TOM1L2: variants seen among roughly 807,000 people sequenced by gnomAD.
TOM1L2 encodes TOM1-like protein 2.
Under a neutral mutation model 67.9 loss-of-function variants are expected in TOM1L2, and 31 were observed. The observed-to-expected ratio is 0.46, with a 90% CI of 0.34 to 0.62. The LOEUF (loss-of-function observed/expected upper bound fraction) is 0.62, where lower values mean the gene tolerates loss of function less well. TOM1L2 is among the 20% of genes least tolerant of loss of function. The probability of loss-of-function intolerance (pLI) is 0.01; values close to 1 mark genes in which losing one functional copy is unlikely to be tolerated. For synonymous variants in TOM1L2, 256 were observed against 254.0 expected (o/e 1.01, Z -0.07); for missense variants, 606 against 663.5 (o/e 0.91, Z 0.95).
chr17:17,924,192 A>G (rs773465702), intron 1 of TOM1L2, among the ~76,000 whole-genome samples: 11 of 152,176 alleles, frequency 7.2e-5, no homozygotes, highest in Non-Finnish European at 2.9e-5. Context: ...TTCCATTTAT[A>G]TAAAATGTCC....
chr17:17,882,748 G>A lies in TOM1L2; in HGVS notation c.617C>T (p.Pro206Leu), dbSNP rs139158330. Residue 206 changes from proline to leucine, a missense_variant, in exon 6 of 15, where the codon CCA (proline) becomes CTA (leucine). This residue lies in a region of TOM1L2 where 543 missense variants were observed against 554.0 expected (regional missense o/e 0.98). Coordinates refer to ENST00000379504, the MANE Select transcript of TOM1L2 (RefSeq NM_001082968.2). ...PPAPYSAPQA[P>L]ALSVTGPITA... ...GATGGGGCCAGTCACACTCAGAGCT[G>A]GGGCCTGCGGTGCGGAGTAGGGAGC... The A allele has an allele frequency of 6.2e-7, 1 of 1,614,238 alleles. No homozygotes were observed. Among genetic ancestry groups the A allele is most frequent in the East Asian group, 2.2e-5 (1 of 44,892 alleles).
intron 12 of TOM1L2, among the ~76,000 whole-genome samples, 168 bp downstream of exon 12, chr17:17,861,308 A>G (rs1371363593): frequency 2.6e-5 from 4 of 152,200 alleles, no homozygotes; most frequent in East Asian, 3.9e-4. Context: ...TGAAGACTCA[A>G]TGAGGCACTA....
At chr17:17,891,842 A>T (rs988525996) in intron 4 of TOM1L2, among the ~76,000 whole-genome samples, 6 of 151,398 alleles carry the variant, frequency 4.0e-5, no homozygotes, top group Admixed American at 2.0e-4. Context: ...AGAGAGACAG[A>T]AGGATATTGG....
At chr17:17,896,767 C>A (rs919324023) in intron 3 of TOM1L2, among the ~76,000 whole-genome samples, 12 of 152,304 alleles carry the variant, frequency 7.9e-5, no homozygotes, top group African/African-American at 2.9e-4. Flanking sequence ...AATGAAGACA[C>A]AAGCAGAGAG....
chr17:17,956,015 A>G (rs937085802), intron 1 of TOM1L2, among the ~76,000 whole-genome samples: 2 of 152,190 alleles, frequency 1.3e-5, no homozygotes, highest in Non-Finnish European at 2.9e-5. Flanking sequence ...AGACCTTTGC[A>G]GCCAGTGTTA....
Position 17,847,797 on chromosome 17 carries a change from C to G in TOM1L2, c.1376-14G>C. 1 of 1,613,806 alleles carries G rather than the reference C, an allele frequency of 6.2e-7. No individual in the cohort carries two copies. The highest frequency in any genetic ancestry group is 8.5e-7 in the Non-Finnish European group (1 of 1,179,904). On this transcript the variant is annotated splice_polypyrimidine_tract_variant and intron_variant, in intron 14 of 14. Transcript: ENST00000379504. ...ATTTATCAAACTCTGCAATACAAAC[C>G]AAGGCAAGGGTCAGGGTTGGTGAGG...
chr17:17,894,975 A>ACATGCATGCATG lies in TOM1L2; in HGVS notation c.217-1177_217-1166dup, dbSNP rs34865538. On this transcript the variant is annotated intron_variant, in intron 3 of 14. Coordinates refer to ENST00000379504, the MANE Select transcript of TOM1L2 (RefSeq NM_001082968.2). ...TACATACATACATACATACATACAT[A>ACATGCATGCATG]CATGCATGCATGCATGCATAAAATA... Among the ~76,000 whole-genome samples, 358 of 147,790 alleles carry ACATGCATGCATG rather than the reference A, an allele frequency of 2.4e-3. 3 individuals are homozygous for ACATGCATGCATG. The highest frequency in any genetic ancestry group is 2.3e-3 in the Non-Finnish European group (152 of 66,974).
Position 17,945,284 on chromosome 17 carries a change from A to ACTCT in TOM1L2, c.52+26977_52+26978insAGAG, listed in dbSNP as rs1421430039. 3.6e-4 allele frequency among the ~76,000 whole-genome samples: 54 copies of ACTCT among 151,344 alleles called. 1 individual carries two copies. The South Asian group carries it at 0.011, about 30-fold the overall frequency. On this transcript the variant is annotated intron_variant, in intron 1 of 14. Transcript: ENST00000379504. Reference sequence around the variant, plus strand: ...CACACACATACACACACACACACACACACACACTCTCTCTCTCTCTCTCTC... The same window carrying ACTCT: ...CACACACATACACACACACACACACACTCTCACACACTCTCTCTCTCTCTCTCTC...
intron 7 of TOM1L2, among the ~76,000 whole-genome samples, chr17:17,873,877 G>C (rs1419386012): frequency 6.6e-6 from 1 of 152,188 alleles, no homozygotes; most frequent in Non-Finnish European, 1.5e-5. Flanking sequence ...TGCTTTTCTC[G>C]ATTTTAAACA....
At chr17:17,904,009 A>ATTATTATTATTTTTT (rs2038976968) in intron 2 of TOM1L2, among the ~76,000 whole-genome samples, 1 of 151,928 alleles carries the variant, frequency 6.6e-6, no homozygotes, top group African/African-American at 2.4e-5. Context: ...TATTATTATT[A>ATTATTATTATTTTTT]TTTTTAAGAT....
At chr17:17,909,752 A>T (rs2039261697) in intron 1 of TOM1L2, among the ~76,000 whole-genome samples, 1 of 152,192 alleles carries the variant, frequency 6.6e-6, no homozygotes, top group African/African-American at 2.4e-5. Flanking sequence ...AAAATGGGCC[A>T]GGCAAAATGG....
chr17:17,866,730 C>CT, intron 9 of TOM1L2, 146 bp downstream of exon 9: 2 of 887,024 alleles, frequency 2.3e-6, no homozygotes, highest in East Asian at 4.9e-5. Flanking sequence ...TAGCTCTGCC[C>CT]TAGTATCCCA....
Position 17,847,591 on chromosome 17 carries a change from G to A in TOM1L2, c.*44C>T, listed in dbSNP as rs767581425. 8.3e-6 allele frequency: 13 copies of A among 1,565,486 alleles called. No homozygotes were observed. In the South Asian group the frequency reaches 1.3e-4, roughly 16 times the overall value. ...GGCCAGTGCCCGGTGTCCACGGGGTGCGAGCGGGGACCCGCCATCTGGGGA... is the reference window on the plus strand; with the variant it reads ...GGCCAGTGCCCGGTGTCCACGGGGTACGAGCGGGGACCCGCCATCTGGGGA... On this transcript the variant is annotated 3_prime_UTR_variant, in exon 15 of 15. Coordinates refer to ENST00000379504, the MANE Select transcript of TOM1L2 (RefSeq NM_001082968.2).
chr17:17,893,635 C>G, intron 4 of TOM1L2, 26 bp downstream of exon 4: 1 of 1,606,544 alleles, frequency 6.2e-7, no homozygotes, highest in Non-Finnish European at 8.5e-7. Context: ...TCTGTTCCAA[C>G]AAATTGGGCA....
intron 1 of TOM1L2, among the ~76,000 whole-genome samples, chr17:17,917,448 G>GTTTTTTTTTTTTTTTTTTTTTTTTTTTT (rs1568270411): frequency 1.0e-5 from 1 of 96,856 alleles, no homozygotes; most frequent in Non-Finnish European, 2.0e-5. Context: ...AATACCATTG[G>GTTTTTTTTTTTTTTTTTTTTTTTTTTTT]TCTTTTTTTT....
intron 1 of TOM1L2, among the ~76,000 whole-genome samples, chr17:17,944,359 C>T (rs1014101964): frequency 1.3e-5 from 2 of 152,222 alleles, no homozygotes; most frequent in Admixed American, 6.5e-5. Context: ...TGTAAGCTCA[C>T]GGCTGCAGGA....
chr17:17,913,551 A>T (rs1386939125), intron 1 of TOM1L2, among the ~76,000 whole-genome samples: 1 of 152,134 alleles, frequency 6.6e-6, no homozygotes, highest in Admixed American at 6.5e-5. Flanking sequence ...TGTCAGCCTT[A>T]CTTCCCTCAT....
At chr17:17,936,904 G>C (rs1431578729) in intron 1 of TOM1L2, among the ~76,000 whole-genome samples, 1 of 152,100 alleles carries the variant, frequency 6.6e-6, no homozygotes, top group Non-Finnish European at 1.5e-5. Context: ...GGGGAAAAAG[G>C]CTTTTTAACA....
intron 1 of TOM1L2, among the ~76,000 whole-genome samples, chr17:17,914,997 TGTAAA>T (rs2039569394): frequency 6.6e-6 from 1 of 152,204 alleles, no homozygotes; most frequent in South Asian, 2.1e-4. Flanking sequence ...TGTCACTGCT[TGTAAA>T]GTATAGCTTT....
Sources: gnomAD v4.1 joint callset for allele counts (sites outside exome capture counted in the v4.1 genomes callset) on GRCh38, gnomAD v4.1.1 for gene constraint, gnomAD v4.1.1 regional missense constraint, MANE v1.5 for transcripts, NCBI Gene and HGNC (gene_info 2026-07-23, HGNC 2026-07-21) for gene names.